Variants in KLHL12 observed in about 807,000 individuals in gnomAD.
The protein encoded by KLHL12 is kelch like family member 12.
KLHL12 carries 17 observed loss-of-function variants against 60.8 expected under a neutral mutation model. The observed-to-expected ratio is 0.28, with a 90% CI of 0.19 to 0.42. KLHL12 has a LOEUF of 0.42. Ranked by LOEUF, KLHL12 falls within the 10% of genes least tolerant of loss-of-function variation. The pLI, the probability that KLHL12 is intolerant of heterozygous loss-of-function variation, is 1.00. For missense variants in KLHL12, 468 were observed against 722.3 expected (o/e 0.65, Z 4.04); for synonymous variants, 220 against 250.9 (o/e 0.88, Z 1.16).
rs539559106 is a variant in KLHL12 at position 202,891,713 on chromosome 1, C to T, written c.*820G>A. On this transcript the variant is annotated 3_prime_UTR_variant, in exon 12 of 12. Transcript: ENST00000367261. Reference sequence around the variant, plus strand: ...ATCACAGGTTCTTCTAGTTTATCCCCAGTTATACTGAACTCCCACATTGAT... The same window carrying T: ...ATCACAGGTTCTTCTAGTTTATCCCTAGTTATACTGAACTCCCACATTGAT... The T allele has an allele frequency of 6.6e-6, 1 of 152,328 alleles. No individual in the cohort carries two copies. Among genetic ancestry groups the T allele is most frequent in the South Asian group, 2.1e-4 (1 of 4,826 alleles). The allele number at this position is 152,328 out of a possible 1,614,324, so 9.4% of individuals were successfully genotyped here.
chr1:202,914,526 T>C (rs988800570), intron 4 of KLHL12, among the ~76,000 whole-genome samples: 5 of 152,220 alleles, frequency 3.3e-5, no homozygotes, highest in Admixed American at 2.0e-4. Flanking sequence ...AATTTAAAGA[T>C]AGAGTTTTTC....
chr1:202,910,435 CTGTT>C (rs1165453076), intron 5 of KLHL12, among the ~76,000 whole-genome samples: 1 of 152,170 alleles, frequency 6.6e-6, no homozygotes, highest in Non-Finnish European at 1.5e-5. Flanking sequence ...AACTGAAAAA[CTGTT>C]TGTAGTTAAC....
rs769329110 is a variant in KLHL12 at position 202,911,146 on chromosome 1, T to C, written c.625A>G (p.Lys209Glu). ...TTAGGCAAGGATTCTTCCCGCTCTTTCTTGGCATGCTTCACCCAGTTGATG... is the reference window on the plus strand; with the variant it reads ...TTAGGCAAGGATTCTTCCCGCTCTTCCTTGGCATGCTTCACCCAGTTGATG... The part of the protein sequence containing the change: ...AVINWVKHAK[K>E]EREESLPNLL... Residue 209 changes from lysine to glutamate, a missense_variant, in exon 5 of 12, where the codon AAA becomes GAA. Coordinates refer to ENST00000367261, the MANE Select transcript of KLHL12 (RefSeq NM_021633.4). 1.5e-5 allele frequency: 25 copies of C among 1,614,036 alleles called. No individual in the cohort carries two copies. The highest frequency in any genetic ancestry group is 2.0e-5 in the Non-Finnish European group (24 of 1,180,046).
intron 6 of KLHL12, among the ~76,000 whole-genome samples, chr1:202,904,641 C>T (rs917128723): frequency 1.3e-5 from 2 of 152,118 alleles, no homozygotes; most frequent in African/African-American, 2.4e-5. Context: ...GGACATCTTA[C>T]AAGAACAGTG....
intron 2 of KLHL12, among the ~76,000 whole-genome samples, chr1:202,923,359 GTA>G: frequency 1.3e-5 from 2 of 152,248 alleles, no homozygotes; most frequent in East Asian, 3.9e-4. Flanking sequence ...ATGATCTTGG[GTA>G]TATCTCATGG....
chr1:202,898,003 C>CTTTAA (rs1489361311), intron 6 of KLHL12, among the ~76,000 whole-genome samples: 4 of 152,144 alleles, frequency 2.6e-5, no homozygotes, highest in Non-Finnish European at 4.4e-5. Flanking sequence ...CTCTATTTTC[C>CTTTAA]CAAAGAAGCT....
intron 6 of KLHL12, among the ~76,000 whole-genome samples, chr1:202,904,622 G>C (rs991942880): frequency 3.3e-5 from 5 of 152,164 alleles, no homozygotes; most frequent in Non-Finnish European, 7.4e-5. Context: ...AATGAGAAAA[G>C]CTTGTCTAGG....
intron 6 of KLHL12, among the ~76,000 whole-genome samples, chr1:202,908,306 T>C (rs1484920383): frequency 6.6e-6 from 1 of 152,198 alleles, no homozygotes; most frequent in Admixed American, 6.5e-5. Flanking sequence ...CAACCAGTCA[T>C]TGCTGGGGCT....
Position 202,909,548 on chromosome 1 carries a change from T to C in KLHL12, c.718-424A>G, listed in dbSNP as rs963429500. Among the ~76,000 whole-genome samples the C allele has an allele frequency of 1.1e-4, 16 of 152,244 alleles. No homozygotes were observed. The South Asian group carries it at 3.1e-3, about 30-fold the overall frequency. On this transcript the variant is annotated intron_variant, in intron 5 of 11. Coordinates refer to ENST00000367261, the MANE Select transcript of KLHL12 (RefSeq NM_021633.4). This position sits in a 1 kb window ranked among gnomAD's most constrained non-coding sequence, Gnocchi z 4.1. The stretch of plus-strand genomic sequence containing the variant: ...AGAATCATATTTTGTCTGAAATATC[T>C]CCCCCAAGGTTCACAGTCCTGTTGT...
intron 4 of KLHL12, chr1:202,912,281 T>C: frequency 1.1e-6 from 1 of 914,946 alleles, no homozygotes; most frequent in Non-Finnish European, 1.8e-6. Flanking sequence ...TTGATGACCA[T>C]GACTCTGTGA....
chr1:202,913,328 TAC>T (rs1660421738), intron 4 of KLHL12, among the ~76,000 whole-genome samples: 1 of 152,158 alleles, frequency 6.6e-6, no homozygotes. Context: ...TACCAGCCCC[TAC>T]AGAGTACATA....
In KLHL12 at chr1:202,896,843, C is replaced by G. The variant is rs753607460; in HGVS notation, c.939+11G>C. 1 of 1,595,482 alleles carries G rather than the reference C, an allele frequency of 6.3e-7. No individual in the cohort carries two copies. Among genetic ancestry groups the G allele is most frequent in the Admixed American group, 1.7e-5 (1 of 60,000 alleles). On this transcript the variant is annotated intron_variant, in intron 7 of 11. Coordinates refer to ENST00000367261, the MANE Select transcript of KLHL12 (RefSeq NM_021633.4). ...ACATCCCTCCCAACGAATGGTTTCA[C>G]CATTATTTACTGGCAAAAAGCTCCA...
rs769175837 is a variant in KLHL12, at chr1:202,922,490, CT to C, written c.195+2477del. On this transcript the variant is annotated intron_variant, in intron 2 of 11. Transcript: ENST00000367261. ...TCTAAAGATCAAAGAAGATCCAAGA[CT>C]TTTTTTTTTTTTTGAGACAGAGTCT... Among the ~76,000 whole-genome samples the C allele has an allele frequency of 6.1e-3, 857 of 140,610 alleles. 4 individuals carry two copies. Among genetic ancestry groups the C allele is most frequent in the Non-Finnish European group, 9.9e-3 (635 of 63,972 alleles). 92.2% of individuals were successfully genotyped at this position (140,610 alleles called of 152,430 possible).
Position 202,895,496 on chromosome 1 carries a change from A to G in KLHL12, c.1135+26T>C, listed in dbSNP as rs1289336190. On this transcript the variant is annotated intron_variant, in intron 8 of 11. Transcript: ENST00000367261. The surrounding 1 kb of genome is among the most constrained non-coding windows in gnomAD (Gnocchi z 4.2). ...CTGGTCCAGCCACAGTAAGATGGAA[A>G]TAATTGCCCTGCACATCCAGCCTAC... is the stretch of plus-strand genomic sequence containing the variant. 1 of 1,598,964 alleles carries G rather than the reference A, an allele frequency of 6.3e-7. No individual in the cohort carries two copies. Among genetic ancestry groups the G allele is most frequent in the Non-Finnish European group, 8.5e-7 (1 of 1,171,918 alleles).
chr1:202,909,589 T>C lies in KLHL12; in HGVS notation c.718-465A>G, dbSNP rs1255667360. Among the ~76,000 whole-genome samples the C allele has an allele frequency of 2.6e-5, 4 of 152,182 alleles. No homozygotes were observed. Among genetic ancestry groups the C allele is most frequent in the Admixed American group, 2.6e-4 (4 of 15,278 alleles). ...GTCCTGTTGTAATTACCATTGTCTATTTCTGACAGCTCTGTACTGGACATC... is the reference window on the plus strand; with the variant it reads ...GTCCTGTTGTAATTACCATTGTCTACTTCTGACAGCTCTGTACTGGACATC... On this transcript the variant is annotated intron_variant, in intron 5 of 11. Transcript: ENST00000367261. This position sits in a 1 kb window ranked among gnomAD's most constrained non-coding sequence, Gnocchi z 4.1.
intron 1 of KLHL12, among the ~76,000 whole-genome samples, chr1:202,925,959 G>T (rs1313292048): frequency 2.0e-5 from 3 of 151,908 alleles, no homozygotes; most frequent in Non-Finnish European, 4.4e-5. Context: ...ACAAAAAATA[G>T]CCAGGCGTGG....
chr1:202,920,964 C>T (rs777806542), intron 2 of KLHL12, among the ~76,000 whole-genome samples: 7 of 152,220 alleles, frequency 4.6e-5, no homozygotes, highest in Non-Finnish European at 8.8e-5. Flanking sequence ...GTTATAACTC[C>T]AGTCTCTCCA....
At chr1:202,925,293 T>C in intron 1 of KLHL12, 86 bp from the exon 2 acceptor site, 1 of 1,445,782 alleles carries the variant, frequency 6.9e-7, no homozygotes, top group Non-Finnish European at 9.2e-7. Context: ...ATTAAGAACC[T>C]AAGAGGCTTC....
chr1:202,905,517 TG>T (rs1660154543), intron 6 of KLHL12, among the ~76,000 whole-genome samples: 1 of 152,122 alleles, frequency 6.6e-6, no homozygotes, highest in African/African-American at 2.4e-5. Flanking sequence ...GTAAGCAAAA[TG>T]TCTTATCTCC....
Sources: gnomAD v4.1 joint callset for allele counts (sites outside exome capture counted in the v4.1 genomes callset) on GRCh38, gnomAD v4.1.1 for gene constraint, Gnocchi (gnomAD v3.1) non-coding constraint, MANE v1.5 for transcripts, NCBI Gene and HGNC (gene_info 2026-07-23, HGNC 2026-07-21) for gene names.